TOM1: variants seen among roughly 807,000 people sequenced by gnomAD.
TOM1 encodes target of Myb protein 1.
A neutral mutation model predicts 61.3 loss-of-function variants in TOM1; 38 were observed. The ratio of observed to expected loss-of-function variants is 0.62; its 90% CI spans 0.48 to 0.81. The LOEUF is 0.81. TOM1 is among the 40% of genes least tolerant of loss of function. The probability of loss-of-function intolerance (pLI) is 0.00; values close to 1 mark genes in which losing one functional copy is unlikely to be tolerated. For synonymous variants in TOM1, 270 were observed against 268.8 expected, an observed-to-expected ratio of 1.00 and a Z score of -0.04; for missense variants, 591 against 659.6, an observed-to-expected ratio of 0.90 and a Z score of 1.14.
chr22:35,326,778 G>A (rs981585819), intron 6 of TOM1, among the ~76,000 whole-genome samples: 2 of 151,282 alleles, frequency 1.3e-5, no homozygotes, highest in Admixed American at 6.6e-5. Context: ...TCCTCTAGGA[G>A]GAGAGAGGGT....
In TOM1 at chr22:35,323,338, C is replaced by G; in HGVS notation, c.367-158C>G. On this transcript the variant is annotated intron_variant, in intron 4 of 14. Transcript: ENST00000449058. This position sits in a 1 kb window ranked among gnomAD's most constrained non-coding sequence, Gnocchi z 4.2. ...GTGGGATGTTCTGTGGGGAGGGAGG[C>G]TTGCCAACTGCGTGCTTTGCTGTGG... 6 of 1,358,018 alleles carry G rather than the reference C, an allele frequency of 4.4e-6. No homozygotes were observed. Among genetic ancestry groups the G allele is most frequent in the Non-Finnish European group, 6.1e-6 (6 of 991,388 alleles). 84.1% of individuals were successfully genotyped at this position (1,358,018 alleles called of 1,614,324 possible).
At position 35,323,889 on chromosome 22, in the gene TOM1, C is replaced by T. The variant is rs1928079164; in HGVS notation, c.623C>T (p.Thr208Met). Residue 208 changes from threonine (T) to methionine (M), a missense_variant, in exon 6 of 15, where the codon ACG becomes ATG. Physicochemically the swap from Thr to Met is moderately conservative, Grantham distance 81. Transcript: ENST00000449058. The surrounding 1 kb of genome is among the most constrained non-coding windows in gnomAD (Gnocchi z 4.2). ...GCCCCGCCCATACTCTCCGGTGACA[C>T]GCCCATAGCACCAACCCCGGAACAG... ...LPAPPILSGD[T>M]PIAPTPEQIG... The T allele has an allele frequency of 4.4e-6, 7 of 1,591,630 alleles. No individual in the cohort carries two copies. The highest frequency in any genetic ancestry group is 2.3e-5 in the South Asian group (2 of 87,232).
At chr22:35,312,374 T>G (rs1210823806) in intron 1 of TOM1, among the ~76,000 whole-genome samples, 2 of 152,314 alleles carry the variant, frequency 1.3e-5, no homozygotes, top group East Asian at 3.9e-4. Flanking sequence ...GAATTGTCAG[T>G]TGTGGCCTCC....
At chr22:35,308,964 T>C (rs1314894160) in intron 1 of TOM1, among the ~76,000 whole-genome samples, 1 of 152,118 alleles carries the variant, frequency 6.6e-6, no homozygotes, top group East Asian at 1.9e-4. Flanking sequence ...AGGAGATGGA[T>C]GGAACTTTCC....
Position 35,327,363 on chromosome 22 carries a change from G to A in TOM1, c.741G>A (p.Glu247=). The stretch of plus-strand genomic sequence containing the variant: ...CGGAGCTGGTGCCCACCCAGGCCGA[G>A]CCCGCAGACCTGGAGCTGCTGCAGG... The part of the protein sequence containing the change: ...MLTELVPTQA[E]PADLELLQEL... Residue 247 remains glutamate (E), a synonymous_variant, in exon 7 of 15, where the codon GAG becomes GAA. Coordinates refer to ENST00000449058, the MANE Select transcript of TOM1 (RefSeq NM_005488.3). The A allele has an allele frequency of 6.2e-7, 1 of 1,613,518 alleles. No homozygotes were observed. Among genetic ancestry groups the A allele is most frequent in the Non-Finnish European group, 8.5e-7 (1 of 1,179,992 alleles).
chr22:35,346,888 G>A (rs375818696), intron 13 of TOM1, 42 bp from the exon 14 acceptor site: 105 of 1,597,928 alleles, frequency 6.6e-5, no homozygotes, highest in Non-Finnish European at 8.2e-5. Flanking sequence ...ACCGTACTGG[G>A]GGCCCGGCTA....
chr22:35,345,598 C>T (rs911547612), intron 12 of TOM1, 127 bp from the exon 13 acceptor site: 20 of 895,732 alleles, frequency 2.2e-5, no homozygotes, highest in Non-Finnish European at 3.6e-5. Context: ...GTGGTGGGTC[C>T]GGGCAGCTAG....
intron 12 of TOM1, chr22:35,344,806 A>G (rs1170729227): frequency 6.6e-6 from 1 of 152,270 alleles, no homozygotes; most frequent in Non-Finnish European, 1.5e-5. Flanking sequence ...TTTCTTGAGC[A>G]TCTCCTCCAT....
At chr22:35,318,922 G>A (rs145908532) in intron 2 of TOM1, among the ~76,000 whole-genome samples, 34 of 152,340 alleles carry the variant, frequency 2.2e-4, no homozygotes, top group Non-Finnish European at 3.4e-4. Context: ...GTGGAGAGGC[G>A]CAGGCTGGAT....
At position 35,323,399 on chromosome 22, in the gene TOM1, A is replaced by C. The variant is rs1928012484; in HGVS notation, c.367-97A>C. The C allele has an allele frequency of 7.4e-6, 11 of 1,485,012 alleles. No homozygotes were observed. The highest frequency in any genetic ancestry group is 9.0e-6 in the Non-Finnish European group (10 of 1,106,988). The allele number at this position is 1,485,012 out of a possible 1,614,324, so 92.0% of individuals were successfully genotyped here. A position where few individuals can be genotyped will look rare whatever the true frequency, so the allele number is the denominator to read the frequency against. ...GCAGATGTAGTTAAAAAAAAAAAAA[A>C]AGCAGGGAAAGAATGTCTGTTCTCT... On this transcript the variant is annotated intron_variant, in intron 4 of 14. Transcript: ENST00000449058. The surrounding 1 kb of genome is among the most constrained non-coding windows in gnomAD (Gnocchi z 4.2).
chr22:35,309,402 G>A (rs141352986), intron 1 of TOM1, among the ~76,000 whole-genome samples: 157 of 152,276 alleles, frequency 1.0e-3, no homozygotes, highest in African/African-American at 3.5e-3. Flanking sequence ...CCAGCACTTT[G>A]GGAGGCCAAG....
At chr22:35,331,385 T>G (rs1235250543) in intron 8 of TOM1, 1 of 452,422 alleles carries the variant, frequency 2.2e-6, no homozygotes, top group African/African-American at 2.0e-5. Context: ...GCATTGGTAT[T>G]ACAGGCATGA....
At chr22:35,318,012 G>T (rs374642723) in intron 2 of TOM1, 51 bp downstream of exon 2, 13 of 1,461,250 alleles carry the variant, frequency 8.9e-6, no homozygotes, top group African/African-American at 1.4e-5. Context: ...ATCCCACCAC[G>T]CAGCACACTC....
rs1003676 is a variant in TOM1 at position 35,329,734 on chromosome 22, T to C, written c.766-613T>C. On this transcript the variant is annotated intron_variant, in intron 7 of 14. Coordinates refer to ENST00000449058, the MANE Select transcript of TOM1 (RefSeq NM_005488.3). ...CCAGCCCCCTTTGCAGACTCAGTTT[T>C]TTTTTGACTAAGCAAAGATGGTGGC... is the stretch of plus-strand genomic sequence containing the variant. Among the ~76,000 whole-genome samples, 119 of 152,346 alleles carry C rather than the reference T, an allele frequency of 7.8e-4. No individual in the cohort carries two copies. The East Asian group carries it at 0.015, about 19-fold the overall frequency.
At chr22:35,335,952 G>A (rs953927279) in intron 11 of TOM1, among the ~76,000 whole-genome samples, 5 of 152,044 alleles carry the variant, frequency 3.3e-5, no homozygotes, top group African/African-American at 4.8e-5. Context: ...CCTGGCTCCC[G>A]CACAGCAGCT....
chr22:35,332,863 C>T, intron 8 of TOM1, 118 bp from the exon 9 acceptor site: 2 of 1,026,554 alleles, frequency 1.9e-6, no homozygotes, highest in South Asian at 2.5e-5. Context: ...CGTGTCATCA[C>T]CCTGATCATA....
At chr22:35,328,192 G>C (rs1166394426) in intron 7 of TOM1, among the ~76,000 whole-genome samples, 1 of 152,224 alleles carries the variant, frequency 6.6e-6, no homozygotes, top group Non-Finnish European at 1.5e-5. Flanking sequence ...TGGTGGTGCA[G>C]GGTGGGGAGA....
At chr22:35,320,442 C>T (rs187775822) in intron 2 of TOM1, among the ~76,000 whole-genome samples, 1 of 152,200 alleles carries the variant, frequency 6.6e-6, no homozygotes, top group Admixed American at 6.5e-5. Context: ...AGGGGCCTCC[C>T]AACACCGTGA....
At chr22:35,345,581 G>A (rs983726972) in intron 12 of TOM1, 144 bp from the exon 13 acceptor site, 14 of 742,610 alleles carry the variant, frequency 1.9e-5, no homozygotes, top group African/African-American at 3.4e-5. Context: ...CTGGCACAGC[G>A]GGCCCAGTGG....
Sources: allele counts gnomAD v4.1 joint callset (sites outside exome capture counted in the v4.1 genomes callset), GRCh38; gene constraint gnomAD v4.1.1; non-coding constraint Gnocchi (gnomAD v3.1); transcripts MANE v1.5; gene names NCBI Gene and HGNC (gene_info 2026-07-23, HGNC 2026-07-21).